Variants in SLCO3A1 observed in about 807,000 individuals in gnomAD.
The protein encoded by SLCO3A1 is PGE1 transporter.
Under a neutral mutation model 63.1 loss-of-function variants are expected in SLCO3A1, and 27 were observed. The observed-to-expected ratio is 0.43, with a 90% CI of 0.32 to 0.59. SLCO3A1 has a LOEUF of 0.59. SLCO3A1 is among the 20% of genes least tolerant of loss of function. The pLI is 0.09. For synonymous variants in SLCO3A1, 473 were observed against 409.9 expected (o/e 1.15, Z -1.86); for missense variants, 773 against 945.8 (o/e 0.82, Z 2.40).
intron 2 of SLCO3A1, among the ~76,000 whole-genome samples, chr15:91,977,928 C>A (rs1901181823): frequency 6.6e-6 from 1 of 152,206 alleles, no homozygotes; most frequent in African/African-American, 2.4e-5. Flanking sequence ...CCTTGGCTAT[C>A]TTGCTAATGT....
intron 1 of SLCO3A1, among the ~76,000 whole-genome samples, chr15:91,895,100 A>G (rs1000153050): frequency 5.3e-5 from 8 of 152,190 alleles, no homozygotes; most frequent in African/African-American, 1.7e-4. Context: ...TTCAAGTCCA[A>G]TCTTTAGAAC....
intron 5 of SLCO3A1, among the ~76,000 whole-genome samples, chr15:92,124,461 G>C (rs1352273993): frequency 6.6e-6 from 1 of 152,012 alleles, no homozygotes; most frequent in Non-Finnish European, 1.5e-5. Context: ...CTGCTTTCTG[G>C]GTGTGGGCAT....
chr15:92,065,964 C>G (rs1318773870), intron 2 of SLCO3A1, among the ~76,000 whole-genome samples: 1 of 152,198 alleles, frequency 6.6e-6, no homozygotes, highest in African/African-American at 2.4e-5. Flanking sequence ...CAGGAAGCTC[C>G]CAGGAAACTT....
intron 4 of SLCO3A1, among the ~76,000 whole-genome samples, chr15:92,106,205 T>G (rs1046948278): frequency 2.0e-5 from 3 of 152,228 alleles, no homozygotes; most frequent in Non-Finnish European, 2.9e-5. Flanking sequence ...TCTGGCCCCA[T>G]GTTCCATGAT....
At chr15:92,000,328 G>C (rs1310649321) in intron 2 of SLCO3A1, among the ~76,000 whole-genome samples, 1 of 152,012 alleles carries the variant, frequency 6.6e-6, no homozygotes, top group East Asian at 1.9e-4. Flanking sequence ...CTCTGGGAAG[G>C]GAAGTGGGGG....
In SLCO3A1 at chr15:92,104,548, G is replaced by T. The variant is rs766418012; in HGVS notation, c.1009+6G>T. On this transcript the variant is annotated splice_donor_region_variant and intron_variant, in intron 4 of 9. Transcript: ENST00000318445. ...CTGTTTCCAGCAGCTGAGAGGTAAA[G>T]GTGGCCTCATCTGCCTCTGCTCAGA... 3 of 1,611,454 alleles carry T rather than the reference G, an allele frequency of 1.9e-6. No individual in the cohort carries two copies. In the African/African-American group the frequency reaches 4.0e-5, roughly 22 times the overall value.
intron 2 of SLCO3A1, among the ~76,000 whole-genome samples, chr15:92,023,586 A>G (rs527784589): frequency 5.7e-4 from 87 of 152,052 alleles, no homozygotes; most frequent in Middle Eastern, 3.4e-3. Context: ...ATCCTGCCTC[A>G]GCCTCCCAAG....
At chr15:91,874,546 T>G (rs1229614149) in intron 1 of SLCO3A1, among the ~76,000 whole-genome samples, 3 of 152,228 alleles carry the variant, frequency 2.0e-5, no homozygotes, top group African/African-American at 7.2e-5. Context: ...TCCTCACAGG[T>G]CATCCAAGTT....
chr15:92,149,690 A>C (rs1473930904), intron 8 of SLCO3A1: 1 of 152,214 alleles, frequency 6.6e-6, no homozygotes, highest in Admixed American at 6.5e-5. Flanking sequence ...TCAAGCCAAG[A>C]AGGATTCTTC....
rs370231515 is a variant in SLCO3A1, at chr15:92,120,699, A to C, written c.1174+70A>C. On this transcript the variant is annotated intron_variant, in intron 5 of 9. Transcript: ENST00000318445. The stretch of plus-strand genomic sequence containing the variant: ...CCTGTGTGTAAGGCACTAAAAATTT[A>C]CTGAGCCCTGCTGAAGAACCCCACT... 2.1e-6 allele frequency: 3 copies of C among 1,409,424 alleles called. No individual in the cohort carries two copies. The African/African-American group carries it at 4.2e-5, about 20-fold the overall frequency. The allele number at this position is 1,409,424 out of a possible 1,614,324, so 87.3% of individuals were successfully genotyped here.
intron 2 of SLCO3A1, among the ~76,000 whole-genome samples, chr15:92,001,526 T>C (rs1194222330): frequency 2.0e-5 from 3 of 152,214 alleles, no homozygotes; most frequent in African/African-American, 7.2e-5. Flanking sequence ...TAGCTGTCAC[T>C]TGGAGTGCTT....
At chr15:91,951,902 A>G (rs866909331) in intron 2 of SLCO3A1, among the ~76,000 whole-genome samples, 4 of 152,112 alleles carry the variant, frequency 2.6e-5, no homozygotes, top group African/African-American at 9.7e-5. Flanking sequence ...TCTCTTTTGT[A>G]TATACCGAGA....
chr15:92,060,916 A>G (rs2047079488), intron 2 of SLCO3A1, among the ~76,000 whole-genome samples: 1 of 152,184 alleles, frequency 6.6e-6, no homozygotes, highest in Non-Finnish European at 1.5e-5. Context: ...TCAAGACATA[A>G]TTGGGTGATG....
intron 2 of SLCO3A1, among the ~76,000 whole-genome samples, chr15:92,044,645 T>C (rs1438092785): frequency 2.6e-5 from 4 of 152,130 alleles, no homozygotes; most frequent in Admixed American, 2.6e-4. Flanking sequence ...GGTCATCCTG[T>C]GCTCAGAGAC....
intron 7 of SLCO3A1, among the ~76,000 whole-genome samples, chr15:92,143,724 A>G (rs2048181387): frequency 6.6e-6 from 1 of 151,152 alleles, no homozygotes; most frequent in Non-Finnish European, 1.5e-5. Context: ...TTACTAAGGC[A>G]AGAGGTGGAG....
At chr15:92,166,864 G>A (rs144991233), downstream of SLCO3A1, among the ~76,000 whole-genome samples, 11 of 152,228 alleles carry the variant, frequency 7.2e-5, no homozygotes, top group East Asian at 2.1e-3. Context: ...TGCTGCTTCC[G>A]GTCCTAGGAA....
At chr15:92,142,274 G>C (rs2048144003) in intron 7 of SLCO3A1, among the ~76,000 whole-genome samples, 1 of 152,162 alleles carries the variant, frequency 6.6e-6, no homozygotes. Flanking sequence ...CATTTTGGCT[G>C]CTATATCAAA....
intron 1 of SLCO3A1, among the ~76,000 whole-genome samples, chr15:91,878,372 G>A (rs1026825609): frequency 1.3e-5 from 2 of 152,300 alleles, no homozygotes; most frequent in South Asian, 2.1e-4. Flanking sequence ...GAGCCACTGC[G>A]CCAGGGCGAT....
intron 1 of SLCO3A1, among the ~76,000 whole-genome samples, chr15:91,880,391 C>CTGTGTGTGTGTGTGTGTGTGTGTGTG (rs1248316415): frequency 2.7e-5 from 2 of 74,468 alleles, no homozygotes; most frequent in East Asian, 5.7e-4. Flanking sequence ...TTCTCTCTCT[C>CTGTGTGTGTGTGTGTGTGTGTGTGTG]TCTCTCTCTC....
Sources: allele counts gnomAD v4.1 joint callset (sites outside exome capture counted in the v4.1 genomes callset), GRCh38; gene constraint gnomAD v4.1.1; transcripts MANE v1.5; gene names NCBI Gene and HGNC (gene_info 2026-07-23, HGNC 2026-07-21).